PEAK1: variants seen among roughly 807,000 people sequenced by gnomAD.
PEAK1 encodes the protein pseudopodium enriched atypical kinase 1.
PEAK1 carries 54 observed loss-of-function variants against 124.7 expected under a neutral mutation model. That is an observed-to-expected ratio of 0.43 (90% confidence interval 0.35 to 0.54). PEAK1 has a LOEUF of 0.54. PEAK1 is among the 20% of genes least tolerant of loss of function. PEAK1 has a pLI of 0.01. For synonymous variants in PEAK1, 719 were observed against 760.0 expected, an observed-to-expected ratio of 0.95 and a Z score of 0.89; for missense variants, 2,046 against 2,134.5, an observed-to-expected ratio of 0.96 and a Z score of 0.82.
Position 77,332,322 on chromosome 15 carries a change from G to T in PEAK1, c.-603+32841C>A, listed in dbSNP as rs760394101. 3.4e-4 allele frequency: 337 copies of T among 981,034 alleles called. 1 individual carries two copies. The highest frequency in any genetic ancestry group is 2.6e-3 in the Middle Eastern group (5 of 1,908). 60.8% of individuals were successfully genotyped at this position (981,034 alleles called of 1,614,324 possible). ...TTGTTTGTTGAAAAATTTTTTGGCC[G>T]GGTGCGGTGGCTCACACCTGTAATC... On this transcript the variant is annotated intron_variant, in intron 2 of 9. Coordinates refer to ENST00000682557, the MANE Select transcript of PEAK1 (RefSeq NM_001385026.1).
At chr15:77,277,684 G>T (rs1263277946) in intron 5 of PEAK1, among the ~76,000 whole-genome samples, 2 of 152,002 alleles carry the variant, frequency 1.3e-5, no homozygotes, top group Non-Finnish European at 2.9e-5. Flanking sequence ...AAATATTTTT[G>T]TTCTAATAGA....
Position 77,220,399 on chromosome 15 carries a change from C to T in PEAK1, c.-115+31968G>A, listed in dbSNP as rs181769307. On this transcript the variant is annotated intron_variant, in intron 6 of 9. Coordinates refer to ENST00000682557, the MANE Select transcript of PEAK1 (RefSeq NM_001385026.1). ...ATGTTACTTGACTACGCAATACATC[C>T]CTTTTATCAACATATGATTGGAGCT... 3.8e-4 allele frequency among the ~76,000 whole-genome samples: 57 copies of T among 151,844 alleles called. 1 individual carries two copies. The East Asian group carries it at 9.3e-3, about 25-fold the overall frequency.
intron 7 of PEAK1, among the ~76,000 whole-genome samples, chr15:77,159,354 ATC>A (rs1567045490): frequency 6.6e-6 from 1 of 152,222 alleles, no homozygotes; most frequent in East Asian, 1.9e-4. Context: ...ATTAAAATGA[ATC>A]TGAAGCATCC....
chr15:77,220,089 GT>G (rs2059317710), intron 6 of PEAK1, among the ~76,000 whole-genome samples: 1 of 152,076 alleles, frequency 6.6e-6, no homozygotes, highest in African/African-American at 2.4e-5. Context: ...GTTTTTCAAA[GT>G]GGGGCAAGAC....
chr15:77,396,211 T>C (rs148215496), intron 1 of PEAK1, among the ~76,000 whole-genome samples: 1,701 of 152,100 alleles, frequency 0.011, 41 homozygotes, highest in African/African-American at 0.039. Flanking sequence ...GATAGCTAGA[T>C]AGATATTATA....
At chr15:77,132,877 A>C in intron 9 of PEAK1, 128 bp downstream of exon 9, 1 of 855,956 alleles carries the variant, frequency 1.2e-6, no homozygotes, top group Non-Finnish European at 1.8e-6. Context: ...AGTATCTGGT[A>C]AGAGGTAGAT....
At chr15:77,396,447 GA>G (rs1282602077) in intron 1 of PEAK1, among the ~76,000 whole-genome samples, 2 of 151,740 alleles carry the variant, frequency 1.3e-5, no homozygotes, top group Non-Finnish European at 2.9e-5. Context: ...GTAAATGAAC[GA>G]AACTCTCCTA....
intron 2 of PEAK1, among the ~76,000 whole-genome samples, chr15:77,329,508 C>T (rs1177313718): frequency 6.6e-6 from 1 of 152,160 alleles, no homozygotes; most frequent in Non-Finnish European, 1.5e-5. Context: ...GACCACTAGA[C>T]CTCACACCTA....
intron 1 of PEAK1, among the ~76,000 whole-genome samples, chr15:77,382,945 C>G (rs1212195065): frequency 6.6e-6 from 1 of 150,730 alleles, no homozygotes; most frequent in African/African-American, 2.4e-5. Context: ...GTTTATTGAT[C>G]TACTTTGAAA....
chr15:77,387,841 T>C (rs1270905109), intron 1 of PEAK1, among the ~76,000 whole-genome samples: 1 of 152,198 alleles, frequency 6.6e-6, no homozygotes, highest in African/African-American at 2.4e-5. Flanking sequence ...TGGTTAGATA[T>C]AAAGATGAAG....
intron 2 of PEAK1, among the ~76,000 whole-genome samples, chr15:77,304,772 T>C (rs2063992974): frequency 6.6e-6 from 1 of 152,174 alleles, no homozygotes; most frequent in Non-Finnish European, 1.5e-5. Context: ...TTCTTTCATT[T>C]ACACCTAAAT....
intron 2 of PEAK1, chr15:77,355,905 G>C: frequency 2.0e-5 from 20 of 985,406 alleles, no homozygotes; most frequent in Non-Finnish European, 2.4e-5. Flanking sequence ...AAAAACCCCT[G>C]GGTTGACTAG....
At chr15:77,317,866 T>C (rs2064970788) in intron 2 of PEAK1, among the ~76,000 whole-genome samples, 2 of 152,192 alleles carry the variant, frequency 1.3e-5, no homozygotes, top group South Asian at 2.1e-4. Flanking sequence ...ACTATTGATA[T>C]ACGTAACAAT....
chr15:77,319,092 GAT>G (rs2065045487), intron 2 of PEAK1, among the ~76,000 whole-genome samples: 1 of 149,546 alleles, frequency 6.7e-6, no homozygotes, highest in Non-Finnish European at 1.5e-5. Context: ...TAATCACTAT[GAT>G]ATAATACTTT....
intron 1 of PEAK1, chr15:77,402,552 A>G (rs1489748534): frequency 2.1e-6 from 2 of 974,442 alleles, no homozygotes; most frequent in East Asian, 2.3e-4. Flanking sequence ...ATCAAGTTTA[A>G]TCTGATTATC....
chr15:77,358,740 G>T lies in PEAK1; in HGVS notation c.-603+6423C>A, dbSNP rs202227569. The stretch of plus-strand genomic sequence containing the variant: ...ATAGCTTAGCAATCAACTTTATATG[G>T]GGAAGCGAGAGAGCACTTTAGGAGG... On this transcript the variant is annotated intron_variant, in intron 2 of 9. Transcript: ENST00000682557. Among the ~76,000 whole-genome samples the T allele has an allele frequency of 2.0e-5, 3 of 152,290 alleles. No homozygotes were observed. In the East Asian group the frequency reaches 5.8e-4, roughly 29 times the overall value.
At chr15:77,352,527 C>A (rs1371228113) in intron 2 of PEAK1, 59 of 977,384 alleles carry the variant, frequency 6.0e-5, no homozygotes, top group Non-Finnish European at 6.7e-5. Context: ...AAAATACATA[C>A]ATTTTAAATT....
chr15:77,214,666 T>C lies in PEAK1; in HGVS notation c.-114-32626A>G, dbSNP rs142242785. Among the ~76,000 whole-genome samples, 724 of 151,522 alleles carry C rather than the reference T, an allele frequency of 4.8e-3. 4 individuals are homozygous for C. The highest frequency in any genetic ancestry group is 0.016 in the African/African-American group (670 of 41,308). On this transcript the variant is annotated intron_variant, in intron 6 of 9. Transcript: ENST00000682557. Reference sequence around the variant, plus strand: ...AAAGAAAAGAGGTTTAATTGGCTTATAGTTCTGCAGGCCGTACAGGTTTCT... The same window carrying C: ...AAAGAAAAGAGGTTTAATTGGCTTACAGTTCTGCAGGCCGTACAGGTTTCT...
intron 6 of PEAK1, among the ~76,000 whole-genome samples, chr15:77,226,000 GCTTT>G (rs1217662672): frequency 1.6e-5 from 2 of 127,064 alleles, no homozygotes; most frequent in Admixed American, 1.8e-4. Flanking sequence ...AAAAATCAAT[GCTTT>G]CTTTTTAATT....
Sources: gnomAD v4.1 joint callset for allele counts (sites outside exome capture counted in the v4.1 genomes callset) on GRCh38, gnomAD v4.1.1 for gene constraint, MANE v1.5 for transcripts, NCBI Gene and HGNC (gene_info 2026-07-23, HGNC 2026-07-21) for gene names.